The following BRINP1 variants were observed in gnomAD, a reference collection of about 807,000 sequenced individuals.
BRINP1 encodes the protein BMP/retinoic acid-inducible neural-specific protein 1.
In BRINP1, 17 loss-of-function variants were observed where a neutral mutation model predicts 72.9. That is an observed-to-expected ratio of 0.23 (90% CI 0.16 to 0.35). BRINP1 has a LOEUF of 0.35. BRINP1 is among the 10% of genes least tolerant of loss of function. BRINP1 has a pLI of 1.00. For missense variants in BRINP1, 850 were observed against 1,001.6 expected (o/e 0.85, Z 2.04); for synonymous variants, 418 against 378.5 (o/e 1.10, Z -1.21).
chr9:119,256,490 A>G (rs149280307), intron 2 of BRINP1, among the ~76,000 whole-genome samples: 3 of 152,292 alleles, frequency 2.0e-5, no homozygotes, highest in East Asian at 3.9e-4. Context: ...ATTTTTTCGT[A>G]TATGTGATGA....
intron 1 of BRINP1, among the ~76,000 whole-genome samples, chr9:119,341,129 C>G (rs1254086089): frequency 6.6e-6 from 1 of 152,112 alleles, no homozygotes; most frequent in Non-Finnish European, 1.5e-5. Flanking sequence ...AACTGGATCT[C>G]TAAGTACATG....
chr9:119,221,836 T>C (rs551274296), intron 5 of BRINP1, among the ~76,000 whole-genome samples: 197 of 152,268 alleles, frequency 1.3e-3, no homozygotes, highest in African/African-American at 4.6e-3. Flanking sequence ...GTTGCTTTGG[T>C]AGCAGAGGAC....
intron 3 of BRINP1, among the ~76,000 whole-genome samples, chr9:119,245,785 G>A (rs1830310257): frequency 6.6e-6 from 1 of 152,162 alleles, no homozygotes; most frequent in Admixed American, 6.5e-5. Flanking sequence ...ACATGTCGAA[G>A]AGTTTATCAA....
chr9:119,314,965 C>T (rs1050326558), intron 1 of BRINP1, among the ~76,000 whole-genome samples: 4 of 152,146 alleles, frequency 2.6e-5, no homozygotes, highest in Non-Finnish European at 5.9e-5. Context: ...TGTTTTTGTT[C>T]ACCTGATCCC....
At chr9:119,213,128 C>T (rs75214758) in intron 6 of BRINP1, among the ~76,000 whole-genome samples, 1 of 152,080 alleles carries the variant, frequency 6.6e-6, no homozygotes, top group Admixed American at 6.5e-5. Context: ...TAGTCAGATA[C>T]TTCCATTTCT....
intron 2 of BRINP1, among the ~76,000 whole-genome samples, chr9:119,302,178 G>A (rs1040425734): frequency 6.6e-6 from 1 of 152,206 alleles, no homozygotes. Context: ...GTCGTTCACA[G>A]TTTCAACATT....
intron 7 of BRINP1, among the ~76,000 whole-genome samples, chr9:119,188,069 G>T (rs1221939147): frequency 6.6e-6 from 1 of 152,136 alleles, no homozygotes; most frequent in Non-Finnish European, 1.5e-5. Flanking sequence ...TGGGATTATG[G>T]GACACCAGTA....
At chr9:119,277,716 C>T (rs1830670826) in intron 2 of BRINP1, among the ~76,000 whole-genome samples, 1 of 152,092 alleles carries the variant, frequency 6.6e-6, no homozygotes, top group South Asian at 2.1e-4. Context: ...ATTTCTTGAA[C>T]TAGTACAAAA....
chr9:119,222,353 C>A lies in BRINP1; in HGVS notation c.686-8198G>T, dbSNP rs533439218. Among the ~76,000 whole-genome samples, 86 of 152,148 alleles carry A rather than the reference C, an allele frequency of 5.7e-4. 1 individual carries two copies. The highest frequency in any genetic ancestry group is 1.9e-3 in the African/African-American group (80 of 41,536). On this transcript the variant is annotated intron_variant, in intron 5 of 7. Transcript: ENST00000265922. ...TTGACCTGCAGTCTATTTTTATAAA[C>A]AAATTTTACTGGAACACAGCCATGC...
At chr9:119,241,234 A>G (rs531848319) in intron 4 of BRINP1, among the ~76,000 whole-genome samples, 1 of 152,326 alleles carries the variant, frequency 6.6e-6, no homozygotes, top group East Asian at 1.9e-4. Flanking sequence ...AGTGGCTACT[A>G]TCTCGGCTAG....
At chr9:119,216,503 G>A (rs1024308201) in intron 5 of BRINP1, among the ~76,000 whole-genome samples, 1 of 152,176 alleles carries the variant, frequency 6.6e-6, no homozygotes, top group Non-Finnish European at 1.5e-5. Flanking sequence ...TCTGAACTGA[G>A]TCTACAATTC....
chr9:119,246,736 G>T (rs955908451), intron 3 of BRINP1, among the ~76,000 whole-genome samples: 1 of 152,134 alleles, frequency 6.6e-6, no homozygotes, highest in African/African-American at 2.4e-5. Flanking sequence ...TACTGCAGAG[G>T]AGGCTCTTAA....
chr9:119,348,876 A>C (rs1831474937), intron 1 of BRINP1, among the ~76,000 whole-genome samples: 1 of 152,230 alleles, frequency 6.6e-6, no homozygotes, highest in Admixed American at 6.5e-5. Flanking sequence ...AAACAAATCA[A>C]ATCACTGACA....
intron 2 of BRINP1, among the ~76,000 whole-genome samples, chr9:119,250,807 C>G (rs950334151): frequency 2.0e-5 from 3 of 152,138 alleles, no homozygotes; most frequent in African/African-American, 7.2e-5. Flanking sequence ...TACATGCTCT[C>G]GGTCCCTTGA....
At chr9:119,314,443 A>G (rs1391516706) in intron 1 of BRINP1, among the ~76,000 whole-genome samples, 8 of 152,126 alleles carry the variant, frequency 5.3e-5, no homozygotes, top group Admixed American at 4.6e-4. Context: ...TCAGCTCACT[A>G]CAACCTCCGC....
chr9:119,280,666 C>T (rs1402791000), intron 2 of BRINP1, among the ~76,000 whole-genome samples: 1 of 152,098 alleles, frequency 6.6e-6, no homozygotes, highest in African/African-American at 2.4e-5. Flanking sequence ...ATAATGTCCC[C>T]GCCTCATTCA....
At chr9:119,291,403 C>A (rs1321779447) in intron 2 of BRINP1, among the ~76,000 whole-genome samples, 1 of 152,178 alleles carries the variant, frequency 6.6e-6, no homozygotes, top group Admixed American at 6.5e-5. Flanking sequence ...TAATTAGAAT[C>A]CCTTTGGTGA....
chr9:119,201,919 C>CT (rs895341639), intron 7 of BRINP1, among the ~76,000 whole-genome samples: 1 of 152,124 alleles, frequency 6.6e-6, no homozygotes, highest in Non-Finnish European at 1.5e-5. Flanking sequence ...CCTCTCTCTT[C>CT]TTTTTTTCCT....
chr9:119,249,072 C>T lies in BRINP1; in HGVS notation c.297G>A (p.Pro99=), dbSNP rs144872769. The T allele has an allele frequency of 1.3e-4, 204 of 1,614,068 alleles. No individual in the cohort carries two copies. In the African/African-American group the frequency reaches 1.6e-3, roughly 12 times the overall value. ...GCAGGCGGATGCTCCTTTGAAACTC[C>T]GGCATGAGGGGCACTGGATGGCGGA... ...DLVRHPVPLM[P]EFQRSIRLLG... The change falls in exon 3 of 8, where the codon CCG becomes CCA. Residue 99 remains proline, a synonymous_variant. Transcript: ENST00000265922.
Sources: gnomAD v4.1 joint callset for allele counts (sites outside exome capture counted in the v4.1 genomes callset) on GRCh38, gnomAD v4.1.1 for gene constraint, MANE v1.5 for transcripts, NCBI Gene and HGNC (gene_info 2026-07-23, HGNC 2026-07-21) for gene names.